Variants in KDM3A observed in about 807,000 individuals in gnomAD.
The protein encoded by KDM3A is lysine-specific demethylase 3A.
Under a neutral mutation model 158.0 loss-of-function variants are expected in KDM3A, and 60 were observed. The ratio of observed to expected loss-of-function variants is 0.38; its 90% CI spans 0.31 to 0.47. The LOEUF is 0.47. KDM3A is among the 20% of genes least tolerant of loss of function. KDM3A has a pLI of 0.99. For missense variants in KDM3A, 1,319 were observed against 1,574.3 expected, an observed-to-expected ratio of 0.84 and a Z score of 2.74; for synonymous variants, 608 against 549.3, an observed-to-expected ratio of 1.11 and a Z score of -1.49.
At chr2:86,441,539 C>G (rs912677724) in intron 1 of KDM3A, 95 bp downstream of exon 1, 1 of 150,842 alleles carries the variant, frequency 6.6e-6, no homozygotes, top group African/African-American at 2.4e-5. Context: ...CGGCGCAGGC[C>G]CGGGAGACGG....
intron 4 of KDM3A, among the ~76,000 whole-genome samples, chr2:86,453,963 C>A (rs546366470): frequency 5.9e-5 from 9 of 152,224 alleles, no homozygotes; most frequent in African/African-American, 2.2e-4. Context: ...CAAGTTATTC[C>A]TATTGACAGT....
At chr2:86,456,941 A>T in intron 7 of KDM3A, 42 bp from the exon 8 acceptor site, 1 of 1,571,720 alleles carries the variant, frequency 6.4e-7, no homozygotes, top group Admixed American at 1.7e-5. Flanking sequence ...TCACATTAAG[A>T]GAAACAGGGA....
chr2:86,474,168 C>G (rs947253060), intron 11 of KDM3A, among the ~76,000 whole-genome samples: 19 of 152,208 alleles, frequency 1.2e-4, no homozygotes, highest in African/African-American at 4.3e-4. Context: ...ACAACTATCC[C>G]TGGAGGCAGT....
At chr2:86,445,869 T>C (rs539987776) in intron 2 of KDM3A, among the ~76,000 whole-genome samples, 1 of 152,328 alleles carries the variant, frequency 6.6e-6, no homozygotes, top group South Asian at 2.1e-4. Context: ...ATTAATTTCT[T>C]TGTGGAGTAG....
chr2:86,479,623 C>G (rs1338328386), intron 15 of KDM3A: 1 of 152,218 alleles, frequency 6.6e-6, no homozygotes, highest in Non-Finnish European at 1.5e-5. Flanking sequence ...TAAACTCACT[C>G]TTGCCAGTTT....
chr2:86,480,884 C>T (rs1013023932), intron 16 of KDM3A, among the ~76,000 whole-genome samples: 1 of 152,168 alleles, frequency 6.6e-6, no homozygotes, highest in African/African-American at 2.4e-5. Flanking sequence ...GGTCCAGGCC[C>T]TCTCTTTACA....
rs371970974 is a variant in KDM3A at position 86,449,644 on chromosome 2, T to C, written c.187-163T>C. On this transcript the variant is annotated intron_variant, in intron 2 of 25. Coordinates refer to ENST00000312912, the MANE Select transcript of KDM3A (RefSeq NM_018433.6). Reference sequence around the variant, plus strand: ...AAAGCCTGGTTCATGTGTGATTATGTATTGTGGGCTGTGACAGGAAGTGAG... The same window carrying C: ...AAAGCCTGGTTCATGTGTGATTATGCATTGTGGGCTGTGACAGGAAGTGAG... Among the ~76,000 whole-genome samples the C allele has an allele frequency of 2.7e-4, 41 of 152,248 alleles. No homozygotes were observed. In the East Asian group the frequency reaches 3.3e-3, roughly 12 times the overall value.
chr2:86,486,312 C>T (rs759357012), intron 21 of KDM3A, among the ~76,000 whole-genome samples: 1 of 152,058 alleles, frequency 6.6e-6, no homozygotes, highest in Admixed American at 6.6e-5. Context: ...TTCAAAGTAC[C>T]CTTTGAGTTG....
At chr2:86,467,966 C>T (rs945863341) in intron 10 of KDM3A, among the ~76,000 whole-genome samples, 4 of 151,916 alleles carry the variant, frequency 2.6e-5, no homozygotes, top group African/African-American at 7.3e-5. Flanking sequence ...TTGGAGGCTG[C>T]GGTGAGTTAT....
At chr2:86,463,779 G>A (rs755367870) in intron 8 of KDM3A, among the ~76,000 whole-genome samples, 1 of 152,156 alleles carries the variant, frequency 6.6e-6, no homozygotes, top group Admixed American at 6.5e-5. Context: ...CCACCTGACT[G>A]TTTTCCTGGC....
rs188638733 is a variant in KDM3A at position 86,450,694 on chromosome 2, A to G, written c.343-409A>G. ...TGTGATCTGATTTTGCCCATGAGTG[A>G]AAAGAGCTGCTATGGAGATTCTTGA... On this transcript the variant is annotated intron_variant, in intron 3 of 25. Transcript: ENST00000312912. Among the ~76,000 whole-genome samples the G allele has an allele frequency of 1.6e-3, 244 of 152,246 alleles. 2 individuals carry two copies. The highest frequency in any genetic ancestry group is 3.9e-3 in the Admixed American group (59 of 15,280).
intron 21 of KDM3A, among the ~76,000 whole-genome samples, chr2:86,486,178 AC>A: frequency 6.6e-6 from 1 of 152,308 alleles, no homozygotes; most frequent in South Asian, 2.1e-4. Context: ...GAGAGAATGT[AC>A]TTTTATTAGT....
At chr2:86,453,343 A>G (rs980172270) in intron 4 of KDM3A, among the ~76,000 whole-genome samples, 3 of 152,202 alleles carry the variant, frequency 2.0e-5, no homozygotes, top group Non-Finnish European at 2.9e-5. Context: ...AGGCTGTACG[A>G]AATTCCACGT....
rs535456903 is a variant in KDM3A, at chr2:86,482,502, C to T, written c.2730C>T (p.Ile910=). The T allele has an allele frequency of 6.2e-7, 1 of 1,614,174 alleles. No individual in the cohort carries two copies. Among genetic ancestry groups the T allele is most frequent in the East Asian group, 2.2e-5 (1 of 44,886 alleles). ...ATACACCAAAAATCCTTGATGACAT[C>T]TTTGCCTCTTTGGTGCAAAATAAGA... is the stretch of plus-strand genomic sequence containing the variant. ...LKNTPKILDD[I]FASLVQNKTT... Residue 910 remains isoleucine, a synonymous_variant, in exon 18 of 26, where the codon ATC becomes ATT. Coordinates refer to ENST00000312912, the MANE Select transcript of KDM3A (RefSeq NM_018433.6).
chr2:86,439,464 A>T (rs901949531), upstream of KDM3A, among the ~76,000 whole-genome samples: 2 of 152,058 alleles, frequency 1.3e-5, no homozygotes, highest in African/African-American at 4.8e-5. Flanking sequence ...ACGGTTTTAT[A>T]ACTTTTATAA....
intron 9 of KDM3A, among the ~76,000 whole-genome samples, chr2:86,465,522 C>T (rs970778813): frequency 6.6e-6 from 1 of 152,042 alleles, no homozygotes; most frequent in African/African-American, 2.4e-5. Flanking sequence ...ATCCTCTTGC[C>T]TTAGCCTCCC....
At position 86,474,902 on chromosome 2, in the gene KDM3A, A is replaced by G; in HGVS notation, c.1851A>G (p.Thr617=). The change falls in exon 12 of 26, where the codon ACA becomes ACG. Residue 617 remains threonine, a synonymous_variant. Transcript: ENST00000312912. ...ACGTTGTGGGGATTGATTTGGACAC[A>G]GCAAAGTACATCTTGGCCAACATTG... ...TKNVVGIDLD[T]AKYILANIGD... 6.2e-7 allele frequency: 1 copy of G among 1,614,132 alleles called. No individual in the cohort carries two copies. Among genetic ancestry groups the G allele is most frequent in the East Asian group, 2.2e-5 (1 of 44,872 alleles).
intron 2 of KDM3A, among the ~76,000 whole-genome samples, chr2:86,448,432 T>C (rs1232179976): frequency 1.3e-5 from 2 of 152,242 alleles, no homozygotes; most frequent in African/African-American, 2.4e-5. Context: ...ATACTAGTGA[T>C]ATACAGTTGT....
At position 86,492,030 on chromosome 2, in the gene KDM3A, T is replaced by C; in HGVS notation, c.3886-9T>C. Reference sequence around the variant, plus strand: ...GTAAAATGCCCATATTTTCTCCTACTATTTTTAGGTGAAGAATGTTATCTA... The same window carrying C: ...GTAAAATGCCCATATTTTCTCCTACCATTTTTAGGTGAAGAATGTTATCTA... On this transcript the variant is annotated splice_polypyrimidine_tract_variant and intron_variant, in intron 25 of 25. Transcript: ENST00000312912. 6.3e-7 allele frequency: 1 copy of C among 1,593,070 alleles called. No homozygotes were observed. The highest frequency in any genetic ancestry group is 1.1e-5 in the South Asian group (1 of 89,728).
Sources: allele counts gnomAD v4.1 joint callset (sites outside exome capture counted in the v4.1 genomes callset), GRCh38; gene constraint gnomAD v4.1.1; transcripts MANE v1.5; gene names NCBI Gene and HGNC (gene_info 2026-07-23, HGNC 2026-07-21).